CSMD1: variants seen among roughly 807,000 people sequenced by gnomAD.
The protein encoded by CSMD1 is CUB and Sushi multiple domains 1, also known as CUB and sushi domain-containing protein 1.
Under a neutral mutation model 417.5 loss-of-function variants are expected in CSMD1, and 213 were observed. The observed-to-expected ratio is 0.51, with a 90% CI of 0.46 to 0.57. The LOEUF is 0.57. Among genes scored for constraint, CSMD1 ranks in the 20% least tolerant of loss-of-function variants. CSMD1 has a pLI of 0.00. For missense variants in CSMD1, 6,923 were observed against 4,529.7 expected (o/e 1.53, Z -15.17); for synonymous variants, 2,862 against 1,736.8 (o/e 1.65, Z -16.11).
intron 26 of CSMD1, among the ~76,000 whole-genome samples, chr8:3,255,432 G>C (rs1357682764): frequency 1.3e-5 from 2 of 152,208 alleles, no homozygotes; most frequent in African/African-American, 4.8e-5. Context: ...ACAGGTTTCT[G>C]CTGCCTTTTG....
chr8:4,892,814 G>C (rs549460392), intron 1 of CSMD1, among the ~76,000 whole-genome samples: 10 of 152,122 alleles, frequency 6.6e-5, no homozygotes, highest in Admixed American at 1.3e-4. Flanking sequence ...GGGAACTTCT[G>C]TATGCTACTC....
At chr8:3,240,334 G>T (rs542903218) in intron 26 of CSMD1, among the ~76,000 whole-genome samples, 3 of 152,206 alleles carry the variant, frequency 2.0e-5, no homozygotes, top group African/African-American at 7.2e-5. Context: ...GGTCAGCAAG[G>T]TTTCCTTTTG....
intron 12 of CSMD1, among the ~76,000 whole-genome samples, chr8:3,460,859 G>A (rs1231275311): frequency 6.6e-6 from 1 of 152,184 alleles, no homozygotes; most frequent in Non-Finnish European, 1.5e-5. Flanking sequence ...AGGTCAGGAA[G>A]CTTGTTCTAG....
intron 6 of CSMD1, among the ~76,000 whole-genome samples, chr8:3,721,613 C>T (rs1480763102): frequency 2.0e-5 from 3 of 152,130 alleles, no homozygotes; most frequent in Admixed American, 1.3e-4. Flanking sequence ...CTCAGTCCTA[C>T]CTTAATTATT....
chr8:4,366,090 A>T (rs1802052847), intron 3 of CSMD1, among the ~76,000 whole-genome samples: 1 of 151,784 alleles, frequency 6.6e-6, no homozygotes, highest in African/African-American at 2.4e-5. Flanking sequence ...TACCCTCCCC[A>T]CTCAGGTAGT....
intron 2 of CSMD1, among the ~76,000 whole-genome samples, chr8:4,546,161 A>G (rs962228964): frequency 7.9e-5 from 12 of 152,048 alleles, no homozygotes; most frequent in Non-Finnish European, 1.6e-4. Flanking sequence ...TCCAATGAAC[A>G]TTTTTCAGTT....
In CSMD1 at chr8:3,668,319, A is replaced by T. The variant is rs2117503622; in HGVS notation, c.1009+40095T>A. Among the ~76,000 whole-genome samples, 2 of 152,286 alleles carry T rather than the reference A, an allele frequency of 1.3e-5. 1 individual carries two copies. Among genetic ancestry groups the T allele is most frequent in the African/African-American group, 4.8e-5 (2 of 41,564 alleles). ...ATATGAAGTGAGAGGATTAGGAAGG[A>T]GGGGCATGTCCCACACAGGCCCTGG... is the stretch of plus-strand genomic sequence containing the variant. On this transcript the variant is annotated intron_variant, in intron 7 of 69. Coordinates refer to ENST00000635120, the MANE Select transcript of CSMD1 (RefSeq NM_033225.6).
rs188570328 is a variant in CSMD1 at position 3,810,458 on chromosome 8, G to C, written c.819-56416C>G. On this transcript the variant is annotated intron_variant, in intron 5 of 69. Coordinates refer to ENST00000635120, the MANE Select transcript of CSMD1 (RefSeq NM_033225.6). The stretch of plus-strand genomic sequence containing the variant: ...ATCGAAGGGAGCACGGGAGGACCTG[G>C]GCACACTGCAGACTCTGAGGCAGCC... 2.1e-3 allele frequency among the ~76,000 whole-genome samples: 314 copies of C among 152,176 alleles called. 1 individual carries two copies. The highest frequency in any genetic ancestry group is 7.4e-3 in the African/African-American group (306 of 41,520).
intron 5 of CSMD1, among the ~76,000 whole-genome samples, chr8:3,983,022 GA>G (rs1047903177): frequency 3.0e-4 from 45 of 152,250 alleles, no homozygotes; most frequent in African/African-American, 9.9e-4. Flanking sequence ...AGCACAGCGG[GA>G]TAAATCATGG....
intron 1 of CSMD1, among the ~76,000 whole-genome samples, chr8:4,680,575 A>C (rs994555871): frequency 6.6e-6 from 1 of 151,968 alleles, no homozygotes; most frequent in Admixed American, 6.6e-5. Flanking sequence ...ACCACATTCT[A>C]AGATAGTTTT....
chr8:4,583,472 T>C (rs992053160), intron 2 of CSMD1, among the ~76,000 whole-genome samples: 1 of 151,650 alleles, frequency 6.6e-6, no homozygotes, highest in African/African-American at 2.4e-5. Flanking sequence ...GATGGGGCCT[T>C]GGAGAACCTT....
intron 4 of CSMD1, among the ~76,000 whole-genome samples, chr8:4,013,890 CAAAATATTTGCTATCTGGCCTTTGACAA>C (rs904824816): frequency 1.4e-4 from 22 of 152,126 alleles, no homozygotes; most frequent in Admixed American, 1.2e-3. Context: ...GACATGAAAA[CAAAATATTTGCTATCTGGCCTTTGACAA>C]AAAATGTTTA....
At chr8:4,611,930 A>G (rs1801196568) in intron 2 of CSMD1, among the ~76,000 whole-genome samples, 2 of 152,160 alleles carry the variant, frequency 1.3e-5, no homozygotes, top group South Asian at 4.1e-4. Flanking sequence ...CTGAATAGTT[A>G]CTTGTGAATT....
intron 2 of CSMD1, among the ~76,000 whole-genome samples, chr8:4,544,185 T>G (rs572839292): frequency 3.2e-4 from 49 of 152,182 alleles, no homozygotes; most frequent in Non-Finnish European, 6.0e-4. Flanking sequence ...TAAAAACCAT[T>G]GCCAAACCTA....
chr8:4,134,852 C>A (rs1803321808), intron 3 of CSMD1, among the ~76,000 whole-genome samples: 1 of 152,280 alleles, frequency 6.6e-6, no homozygotes, highest in Admixed American at 6.5e-5. Flanking sequence ...CGTTTGATAG[C>A]TTCCAATTGC....
intron 5 of CSMD1, among the ~76,000 whole-genome samples, chr8:3,968,058 G>T (rs984330137): frequency 3.3e-5 from 5 of 150,486 alleles, no homozygotes; most frequent in African/African-American, 9.8e-5. Context: ...GTGGTGGCGG[G>T]CGCCTGTAGT....
rs547266926 is a variant in CSMD1, at chr8:3,184,419, G to A, written c.5621-3205C>T. ...ACTTGAACCTCATCAAATCCTTAAA[G>A]GCAATGAGCAGACCAACGGTGCCAT... On this transcript the variant is annotated intron_variant, in intron 36 of 69. Transcript: ENST00000635120. 4.9e-4 allele frequency among the ~76,000 whole-genome samples: 74 copies of A among 152,224 alleles called. 2 individuals carry two copies. In the South Asian group the frequency reaches 0.013, roughly 27 times the overall value.
At chr8:3,630,858 A>G (rs923623750) in intron 7 of CSMD1, among the ~76,000 whole-genome samples, 1 of 152,156 alleles carries the variant, frequency 6.6e-6, no homozygotes, top group African/African-American at 2.4e-5. Flanking sequence ...AACCAAGAGG[A>G]AACCTCAGTT....
chr8:4,324,015 G>C (rs1023512680), intron 3 of CSMD1, among the ~76,000 whole-genome samples: 8 of 152,188 alleles, frequency 5.3e-5, no homozygotes, highest in Admixed American at 2.6e-4. Flanking sequence ...GGCAGGCACA[G>C]CCACACCCTT....
Sources: allele counts gnomAD v4.1 joint callset (sites outside exome capture counted in the v4.1 genomes callset), GRCh38; gene constraint gnomAD v4.1.1; transcripts MANE v1.5; gene names NCBI Gene and HGNC (gene_info 2026-07-23, HGNC 2026-07-21).